Variants in TYW1B observed in about 807,000 individuals in gnomAD.
The protein encoded by TYW1B is tRNA-yW synthesizing protein 1 homolog B.
Under a neutral mutation model 86.9 loss-of-function variants are expected in TYW1B, and 73 were observed. The ratio of observed to expected loss-of-function variants is 0.84; its 90% CI spans 0.70 to 1.02. The LOEUF (loss-of-function observed/expected upper bound fraction) is 1.02. TYW1B is among the 50% of genes least tolerant of loss of function. The pLI is 0.00. For synonymous variants in TYW1B, 248 were observed against 292.8 expected, an observed-to-expected ratio of 0.85 and a Z score of 1.56; for missense variants, 637 against 827.4, an observed-to-expected ratio of 0.77 and a Z score of 2.82.
At chr7:72,578,915 C>A (rs1231811466) in intron 13 of TYW1B, among the ~76,000 whole-genome samples, 1 of 151,974 alleles carries the variant, frequency 6.6e-6, no homozygotes. Context: ...TTTGGTGTTT[C>A]GATTTCTAGG....
At chr7:72,670,743 G>A (rs1457285669) in intron 11 of TYW1B, among the ~76,000 whole-genome samples, 1 of 152,132 alleles carries the variant, frequency 6.6e-6, no homozygotes, top group African/African-American at 2.4e-5. Flanking sequence ...AAAAGGCGGG[G>A]GAATAAATGG....
At chr7:72,666,659 T>C (rs1367621560) in intron 11 of TYW1B, among the ~76,000 whole-genome samples, 1 of 152,064 alleles carries the variant, frequency 6.6e-6, no homozygotes, top group East Asian at 1.9e-4. Flanking sequence ...CTGAAAATGC[T>C]AAATGAAGCA....
At chr7:72,688,210 A>G (rs1235661072) in intron 11 of TYW1B, among the ~76,000 whole-genome samples, 2 of 152,122 alleles carry the variant, frequency 1.3e-5, no homozygotes, top group Admixed American at 1.3e-4. Flanking sequence ...TTCAATATTT[A>G]TTTTCTAAAT....
At chr7:72,812,065 A>G (rs182109554) in intron 3 of TYW1B, among the ~76,000 whole-genome samples, 76 of 152,106 alleles carry the variant, frequency 5.0e-4, no homozygotes, top group African/African-American at 6.7e-4. Context: ...TGCAAATCCC[A>G]GGGAAACAAA....
chr7:72,716,341 G>T (rs1269587769), intron 9 of TYW1B, among the ~76,000 whole-genome samples: 7 of 152,332 alleles, frequency 4.6e-5, no homozygotes, highest in Admixed American at 3.3e-4. Context: ...AGGCCTTAGC[G>T]GAGTGTCTGG....
chr7:72,809,421 G>A (rs535287512), intron 4 of TYW1B, among the ~76,000 whole-genome samples: 3 of 152,200 alleles, frequency 2.0e-5, no homozygotes, highest in Non-Finnish European at 2.9e-5. Flanking sequence ...GGAGGCTGAG[G>A]TGGGTAGGAC....
intron 13 of TYW1B, among the ~76,000 whole-genome samples, chr7:72,606,618 G>A (rs34068285): frequency 0.77 from 114,327 of 148,406 alleles, 44,042 homozygotes; most frequent in East Asian, 0.9. Flanking sequence ...CCCCCCCCCC[G>A]CCTCCATCCT....
intron 9 of TYW1B, among the ~76,000 whole-genome samples, chr7:72,720,033 T>A (rs1554457017): frequency 6.6e-6 from 1 of 151,560 alleles, no homozygotes; most frequent in Non-Finnish European, 1.5e-5. Flanking sequence ...TATAATATAA[T>A]ACAAAAAGGA....
chr7:72,824,628 C>G (rs1788895701), intron 2 of TYW1B, among the ~76,000 whole-genome samples: 1 of 151,974 alleles, frequency 6.6e-6, no homozygotes, highest in African/African-American at 2.4e-5. Flanking sequence ...GTAATCCCAG[C>G]TACTAGGGAG....
At chr7:72,791,444 A>C (rs1788216730) in intron 6 of TYW1B, among the ~76,000 whole-genome samples, 1 of 151,848 alleles carries the variant, frequency 6.6e-6, no homozygotes, top group Non-Finnish European at 1.5e-5. Context: ...AAATATCAAA[A>C]CTATTCTGAC....
chr7:72,807,262 T>C lies in TYW1B; in HGVS notation c.527A>G (p.His176Arg). The C allele has an allele frequency of 1.2e-6, 2 of 1,614,168 alleles. No homozygotes were observed. Among genetic ancestry groups the C allele is most frequent in the Non-Finnish European group, 1.7e-6 (2 of 1,180,032 alleles). Residue 176 changes from histidine (H) to arginine (R), a missense_variant, in exon 5 of 14, where the codon CAC (histidine) becomes CGC (arginine). Physicochemically the swap from His to Arg is conservative, Grantham distance 29 (BLOSUM62 0). Transcript: ENST00000620995. ...EGDCDVVKSK[H>R]GSIEANFRAW... ...TCTGAAGTTGGCCTCAATGCTGCCGTGCTTGCTTTTAACCACGTCGCAGTC... is the reference window on the plus strand; with the variant it reads ...TCTGAAGTTGGCCTCAATGCTGCCGCGCTTGCTTTTAACCACGTCGCAGTC...
chr7:72,595,427 T>C (rs1554432382), intron 13 of TYW1B, among the ~76,000 whole-genome samples: 1 of 152,180 alleles, frequency 6.6e-6, no homozygotes, highest in East Asian at 1.9e-4. Context: ...CTCATGCCTG[T>C]AATCCCAACA....
intron 11 of TYW1B, among the ~76,000 whole-genome samples, chr7:72,652,377 G>GAAAAAAAA (rs1169791430): frequency 3.2e-5 from 1 of 31,284 alleles, no homozygotes; most frequent in Non-Finnish European, 6.6e-5. Flanking sequence ...GACTCTGTCT[G>GAAAAAAAA]AAAAAAAAAA....
intron 13 of TYW1B, among the ~76,000 whole-genome samples, chr7:72,610,193 C>A (rs2037982409): frequency 6.6e-6 from 1 of 152,146 alleles, no homozygotes; most frequent in African/African-American, 2.4e-5. Flanking sequence ...AAGTTGGAAA[C>A]CTCCACGTTA....
intron 11 of TYW1B, among the ~76,000 whole-genome samples, chr7:72,662,100 G>A (rs1350190721): frequency 6.6e-6 from 1 of 152,212 alleles, no homozygotes; most frequent in Non-Finnish European, 1.5e-5. Context: ...GTTATAAACA[G>A]ACAAATGGAC....
intron 6 of TYW1B, among the ~76,000 whole-genome samples, chr7:72,798,232 A>T (rs1281026584): frequency 6.6e-6 from 1 of 152,058 alleles, no homozygotes; most frequent in Non-Finnish European, 1.5e-5. Flanking sequence ...TCTACCAAAA[A>T]TACAAAAAAT....
At chr7:72,726,715 C>T (rs1787004515) in intron 9 of TYW1B, among the ~76,000 whole-genome samples, 1 of 152,094 alleles carries the variant, frequency 6.6e-6, no homozygotes, top group Admixed American at 6.6e-5. Flanking sequence ...CCATTATTTG[C>T]ATGACTTTTC....
intron 11 of TYW1B, among the ~76,000 whole-genome samples, chr7:72,662,476 T>TA (rs555072365): frequency 1.3e-5 from 2 of 151,186 alleles, no homozygotes; most frequent in East Asian, 3.9e-4. Flanking sequence ...GATAGATAGA[T>TA]AAATTTTTTT....
chr7:72,693,427 T>C (rs1215364728), intron 11 of TYW1B, among the ~76,000 whole-genome samples: 226 of 151,208 alleles, frequency 1.5e-3, no homozygotes, highest in African/African-American at 5.3e-3. Context: ...TTTTTTTTTT[T>C]TAGATAGGGG....
Sources: gnomAD v4.1 joint callset for allele counts (sites outside exome capture counted in the v4.1 genomes callset) on GRCh38, gnomAD v4.1.1 for gene constraint, MANE v1.5 for transcripts, NCBI Gene and HGNC (gene_info 2026-07-23, HGNC 2026-07-21) for gene names.